The following B9D2 variants were observed in gnomAD, a reference collection of about 807,000 sequenced individuals.
The protein encoded by B9D2 is B9 domain containing 2.
A neutral mutation model predicts 19.2 loss-of-function variants in B9D2; 21 were observed. The observed-to-expected ratio is 1.09, with a 90% confidence interval of 0.78 to 1.58. The LOEUF is 1.58. B9D2 is among the 40% of genes most tolerant of loss of function. The probability of loss-of-function intolerance (pLI) is 0.00; values close to 1 mark genes in which losing one functional copy is unlikely to be tolerated. For synonymous variants in B9D2, 91 were observed against 100.6 expected (o/e 0.90, Z 0.57); for missense variants, 221 against 244.3 (o/e 0.90, Z 0.64).
At chr19:41,361,949 G>A (rs1233274812) in intron 2 of B9D2, among the ~76,000 whole-genome samples, 1 of 64,166 alleles carries the variant, frequency 1.6e-5, no homozygotes, top group African/African-American at 6.5e-5. Flanking sequence ...GTATGGTAGC[G>A]GGTGCCTGTA....
intron 2 of B9D2, among the ~76,000 whole-genome samples, chr19:41,361,558 C>T (rs1268341757): frequency 2.0e-5 from 3 of 149,622 alleles, no homozygotes; most frequent in Non-Finnish European, 3.0e-5. Flanking sequence ...AAGGCCTACG[C>T]AGGCGGATCA....
intron 2 of B9D2, among the ~76,000 whole-genome samples, chr19:41,358,643 C>A (rs1381007463): frequency 6.6e-6 from 1 of 152,242 alleles, no homozygotes. Context: ...CCAAGGGTAC[C>A]CTCCAGGAGC....
Position 41,354,695 on chromosome 19 carries a change from G to T in B9D2, c.*5C>A. The T allele has an allele frequency of 6.2e-7, 1 of 1,613,998 alleles. No individual in the cohort carries two copies. The highest frequency in any genetic ancestry group is 1.1e-5 in the South Asian group (1 of 91,088). Reference sequence around the variant, plus strand: ...GGATGGTGGTGACGTTGGAGGCAGAGTCCCTCAGCACTCCACGCCGTAGCG... The same window carrying T: ...GGATGGTGGTGACGTTGGAGGCAGATTCCCTCAGCACTCCACGCCGTAGCG... On this transcript the variant is annotated 3_prime_UTR_variant, in exon 4 of 4. Transcript: ENST00000243578.
At position 41,363,455 on chromosome 19, in the gene B9D2, A is replaced by C; in HGVS notation, c.65T>G (p.Phe22Cys). The part of the protein sequence containing the change: ...GASGFSESSL[F>C]CKWGIHTGAA... ...ACCTGTGTGAATGCCCCACTTGCAG[A>C]AGAGGCTACTTTCCGAGAAACCGCT... is the stretch of plus-strand genomic sequence containing the variant. Residue 22 changes from phenylalanine (F) to cysteine (C), a missense_variant, in exon 2 of 4, where the codon TTC becomes TGC. By Grantham distance (205) the Phe-to-Cys change is radical (BLOSUM62 -2). Transcript: ENST00000243578. The C allele has an allele frequency of 6.2e-7, 1 of 1,614,156 alleles. No homozygotes were observed. The highest frequency in any genetic ancestry group is 8.5e-7 in the Non-Finnish European group (1 of 1,180,028).
At position 41,357,966 on chromosome 19, in the gene B9D2, G is replaced by T. The variant is rs757133492; in HGVS notation, c.145C>A (p.Pro49Thr). Residue 49 changes from proline (P) to threonine (T), a missense_variant, in exon 3 of 4, where the codon CCG (proline) becomes ACG (threonine). Coordinates refer to ENST00000243578, the MANE Select transcript of B9D2 (RefSeq NM_030578.4). ...VREGQTQVDT[P>T]QIGDMAYWSH... ...CAGTAAGCCATGTCCCCTATCTGCG[G>T]GGTGTCCACTTGCGTTTGGCCCTCC... 5.0e-6 allele frequency: 8 copies of T among 1,614,174 alleles called. No individual in the cohort carries two copies. The highest frequency in any genetic ancestry group is 5.9e-6 in the Non-Finnish European group (7 of 1,180,008).
At chr19:41,358,374 G>A (rs1435378098) in intron 2 of B9D2, among the ~76,000 whole-genome samples, 2 of 152,008 alleles carry the variant, frequency 1.3e-5, no homozygotes, top group Non-Finnish European at 2.9e-5. Context: ...GACCAAGGTG[G>A]AGGAGCCCCA....
chr19:41,357,956 C>G lies in B9D2; in HGVS notation c.155G>C (p.Gly52Ala), dbSNP rs2038342073. Residue 52 changes from glycine to alanine, a missense_variant, in exon 3 of 4, where the codon GGG becomes GCG. By Grantham distance (60) the Gly-to-Ala change is moderately conservative (BLOSUM62 0). Transcript: ENST00000243578. The part of the protein sequence containing the change: ...GQTQVDTPQI[G>A]DMAYWSHPID... ...GGGGTGGGACCAGTAAGCCATGTCC[C>G]CTATCTGCGGGGTGTCCACTTGCGT... is the stretch of plus-strand genomic sequence containing the variant. 6.2e-7 allele frequency: 1 copy of G among 1,614,022 alleles called. No individual in the cohort carries two copies. Among genetic ancestry groups the G allele is most frequent in the African/African-American group, 1.3e-5 (1 of 74,914 alleles).
intron 1 of B9D2, 84 bp from the exon 2 acceptor site, chr19:41,363,607 G>C (rs2038451557): frequency 2.5e-6 from 3 of 1,213,518 alleles, no homozygotes; most frequent in Non-Finnish European, 2.4e-6. Flanking sequence ...GGCCCAGCAA[G>C]TAAAGGGTAG....
At position 41,354,615 on chromosome 19, in the gene B9D2, GTCTGTGC is replaced by G. The variant is rs1599901576; in HGVS notation, c.*78_*84del. ...GGGGTCAGCTCTGACAGTCTCTAGA[GTCTGTGC>G]TCTTGACCACTGTGCCATCCTCCCC... is the stretch of plus-strand genomic sequence containing the variant. On this transcript the variant is annotated 3_prime_UTR_variant, in exon 4 of 4. Coordinates refer to ENST00000243578, the MANE Select transcript of B9D2 (RefSeq NM_030578.4). The G allele has an allele frequency of 6.5e-7, 1 of 1,548,466 alleles. No individual in the cohort carries two copies. Among genetic ancestry groups the G allele is most frequent in the East Asian group, 2.3e-5 (1 of 44,168 alleles).
intron 3 of B9D2, among the ~76,000 whole-genome samples, chr19:41,356,861 A>C (rs924336427): frequency 6.6e-6 from 1 of 151,662 alleles, no homozygotes; most frequent in Non-Finnish European, 1.5e-5. Context: ...CAAAAAAAAA[A>C]AGGTGAAATC....
chr19:41,359,408 AAC>A (rs1026992931), intron 2 of B9D2, among the ~76,000 whole-genome samples: 6 of 151,604 alleles, frequency 4.0e-5, no homozygotes, highest in African/African-American at 7.3e-5. Flanking sequence ...CTCTACTAAA[AAC>A]ACACACACAC....
chr19:41,355,787 G>A (rs949433043), intron 3 of B9D2, among the ~76,000 whole-genome samples: 1 of 152,196 alleles, frequency 6.6e-6, no homozygotes, highest in Non-Finnish European at 1.5e-5. Flanking sequence ...GGTAATTGCT[G>A]TGAGGGAAAA....
rs757863670 is a variant in B9D2 at position 41,358,004 on chromosome 19, A to G, written c.107T>C (p.Leu36Pro). 5 of 1,614,108 alleles carry G rather than the reference A, an allele frequency of 3.1e-6. No homozygotes were observed. In the South Asian group the frequency reaches 5.5e-5, roughly 18 times the overall value. Residue 36 changes from leucine (L) to proline (P), a missense_variant, in exon 3 of 4, where the codon CTG becomes CCG. Leu to Pro is a moderately conservative substitution (Grantham distance 98). Coordinates refer to ENST00000243578, the MANE Select transcript of B9D2 (RefSeq NM_030578.4). Reference sequence around the variant, plus strand: ...CGTTTGGCCCTCCCGCACGCCTGACAGGAGCTTCCATGCCGCCCCTGCAGT... The same window carrying G: ...CGTTTGGCCCTCCCGCACGCCTGACGGGAGCTTCCATGCCGCCCCTGCAGT... ...GIHTGAAWKL[L>P]SGVREGQTQV... is the part of the protein sequence containing the mutation.
chr19:41,363,725 T>C (rs559493293), intron 1 of B9D2, among the ~76,000 whole-genome samples: 4 of 152,292 alleles, frequency 2.6e-5, no homozygotes, highest in South Asian at 2.1e-4. Flanking sequence ...GACCCTTGTC[T>C]GGGGAACCAG....
chr19:41,363,014 G>A (rs1333662515), intron 2 of B9D2: 3 of 243,960 alleles, frequency 1.2e-5, no homozygotes, highest in East Asian at 1.0e-4. Flanking sequence ...AGAGGCTGAA[G>A]TGGGTGGCCT....
intron 3 of B9D2, among the ~76,000 whole-genome samples, chr19:41,356,308 G>A (rs2038312571): frequency 6.6e-6 from 1 of 152,134 alleles, no homozygotes; most frequent in African/African-American, 2.4e-5. Flanking sequence ...GACAGATCAA[G>A]GTGCTGGGCG....
At chr19:41,363,913 C>A in intron 1 of B9D2, 45 bp downstream of exon 1, 1 of 414,320 alleles carries the variant, frequency 2.4e-6, no homozygotes, top group Non-Finnish European at 4.5e-6. Context: ...GAGTTCAGGT[C>A]CGACTTAACC....
intron 3 of B9D2, among the ~76,000 whole-genome samples, chr19:41,357,068 C>T (rs1355251548): frequency 6.6e-6 from 1 of 152,192 alleles, no homozygotes; most frequent in Non-Finnish European, 1.5e-5. Context: ...CTGCCTAGAA[C>T]CTTCTTCTAT....
chr19:41,360,513 A>AT (rs902692622), intron 2 of B9D2, among the ~76,000 whole-genome samples: 4 of 149,194 alleles, frequency 2.7e-5, no homozygotes, highest in Admixed American at 2.0e-4. Flanking sequence ...TATTTTATTT[A>AT]TTTTTTTTTG....
Sources: allele counts gnomAD v4.1 joint callset (sites outside exome capture counted in the v4.1 genomes callset), GRCh38; gene constraint gnomAD v4.1.1; transcripts MANE v1.5; gene names NCBI Gene and HGNC (gene_info 2026-07-23, HGNC 2026-07-21).